SPIRE1: variants seen among roughly 807,000 people sequenced by gnomAD.
SPIRE1 encodes the protein spire type actin nucleation factor 1.
SPIRE1 carries 40 observed loss-of-function variants against 94.1 expected under a neutral mutation model. That is an observed-to-expected ratio of 0.43 (90% confidence interval 0.33 to 0.55). The LOEUF is 0.55. Ranked by LOEUF, SPIRE1 falls within the 20% of genes least tolerant of loss-of-function variation. SPIRE1 has a pLI of 0.06. For synonymous variants in SPIRE1, 376 were observed against 371.7 expected (o/e 1.01, Z -0.13); for missense variants, 838 against 975.2 (o/e 0.86, Z 1.87).
At chr18:12,658,627 C>G (rs1598597144), upstream of SPIRE1, 1 of 470,000 alleles carries the variant, frequency 2.1e-6, no homozygotes, top group South Asian at 1.6e-5. Flanking sequence ...GGAGCGGATG[C>G]CTAAGAAAAT....
chr18:12,624,164 C>T (rs967656511), intron 2 of SPIRE1, among the ~76,000 whole-genome samples: 4 of 151,886 alleles, frequency 2.6e-5, no homozygotes, highest in South Asian at 4.2e-4. Context: ...TCAGGTGATC[C>T]GCCCGCCTCG....
intron 10 of SPIRE1, 89 bp downstream of exon 10, chr18:12,479,607 GCAA>G: frequency 8.2e-7 from 1 of 1,212,156 alleles, no homozygotes; most frequent in Non-Finnish European, 1.1e-6. Context: ...AAGAGATTAA[GCAA>G]CAACTGAAGC....
At chr18:12,585,193 A>C (rs2036362874) in intron 2 of SPIRE1, among the ~76,000 whole-genome samples, 1 of 152,200 alleles carries the variant, frequency 6.6e-6, no homozygotes, top group Non-Finnish European at 1.5e-5. Context: ...TAATAATATG[A>C]ATAAGCCAAA....
Position 12,657,614 on chromosome 18 carries a change from C to G in SPIRE1, c.253G>C (p.Ala85Pro). The change falls in exon 1 of 17, where the codon GCC (alanine) becomes CCC (proline). Residue 85 changes from alanine to proline, a missense_variant. By Grantham distance (27) the Ala-to-Pro change is conservative (BLOSUM62 -1). Coordinates refer to ENST00000409402, the MANE Select transcript of SPIRE1 (RefSeq NM_001128626.2). ...TCCCTCCAGACGCGGATCTGCGCGG[C>G]CGAGCGCACACGGTGGCGGGGCTGG... Reference protein sequence around the residue: ...RRQPRHRVRSAAQIRVWRDGA... With the variant: ...RRQPRHRVRSPAQIRVWRDGA... The G allele has an allele frequency of 7.7e-7, 1 of 1,294,020 alleles. No individual in the cohort carries two copies. Among genetic ancestry groups the G allele is most frequent in the South Asian group, 2.5e-5 (1 of 39,630 alleles). The allele number at this position is 1,294,020 out of a possible 1,614,324, so 80.2% of individuals were successfully genotyped here. A position where few individuals can be genotyped will look rare whatever the true frequency, so the allele number is the denominator to read the frequency against.
chr18:12,529,317 T>C (rs2034615469), intron 4 of SPIRE1, among the ~76,000 whole-genome samples: 1 of 150,200 alleles, frequency 6.7e-6, no homozygotes, highest in Admixed American at 6.7e-5. Flanking sequence ...TGCAGTGAGC[T>C]GATATTGCGC....
intron 2 of SPIRE1, among the ~76,000 whole-genome samples, chr18:12,584,890 C>T (rs1469771347): frequency 2.6e-5 from 4 of 152,284 alleles, no homozygotes; most frequent in South Asian, 4.2e-4. Context: ...AGCGATTCTC[C>T]TGCCTCAGCC....
intron 5 of SPIRE1, among the ~76,000 whole-genome samples, chr18:12,507,236 C>T (rs888903359): frequency 6.6e-6 from 1 of 152,172 alleles, no homozygotes; most frequent in African/African-American, 2.4e-5. Flanking sequence ...GTTAGTTACA[C>T]GGTATTACTG....
chr18:12,451,020 A>AAGGAG (rs2031211963), intron 16 of SPIRE1: 6 of 555,228 alleles, frequency 1.1e-5, no homozygotes, highest in Admixed American at 5.1e-5. Flanking sequence ...GAAAAGGAAG[A>AAGGAG]AGGAGGGGAG....
At chr18:12,461,526 G>GTATAT (rs1233559373) in intron 12 of SPIRE1, among the ~76,000 whole-genome samples, 4 of 56,848 alleles carry the variant, frequency 7.0e-5, no homozygotes, top group South Asian at 9.2e-4. Flanking sequence ...ACATATGTGT[G>GTATAT]GTATGTACGT....
intron 2 of SPIRE1, among the ~76,000 whole-genome samples, chr18:12,591,718 C>T (rs1332338230): frequency 1.3e-5 from 2 of 152,094 alleles, no homozygotes; most frequent in Non-Finnish European, 2.9e-5. Context: ...TGGATCACGC[C>T]TGTAATCCCA....
intron 1 of SPIRE1, among the ~76,000 whole-genome samples, chr18:12,638,774 G>A (rs1040283311): frequency 2.0e-5 from 3 of 152,108 alleles, no homozygotes; most frequent in Non-Finnish European, 4.4e-5. Context: ...GAGTTATCAT[G>A]AGATCTGGTT....
intron 2 of SPIRE1, among the ~76,000 whole-genome samples, chr18:12,595,739 A>C (rs2036653966): frequency 6.6e-6 from 1 of 152,244 alleles, no homozygotes; most frequent in South Asian, 2.1e-4. Flanking sequence ...TGGAATAGAC[A>C]AACACATATA....
chr18:12,614,890 A>G (rs112644040), intron 2 of SPIRE1, among the ~76,000 whole-genome samples: 407 of 151,692 alleles, frequency 2.7e-3, no homozygotes, highest in African/African-American at 9.5e-3. Context: ...ATCTTCACAT[A>G]AAATCCAAAA....
intron 12 of SPIRE1, among the ~76,000 whole-genome samples, chr18:12,458,764 TAAA>T (rs2031649092): frequency 6.6e-6 from 1 of 152,144 alleles, no homozygotes; most frequent in Non-Finnish European, 1.5e-5. Flanking sequence ...TGACAGGAGT[TAAA>T]AAGCCACCGT....
rs138213253 is a variant in SPIRE1 at position 12,610,833 on chromosome 18, T to C, written c.372+24229A>G. On this transcript the variant is annotated intron_variant, in intron 2 of 16. Transcript: ENST00000409402. ...TCAATGACCCTGCTTTCCATTTCAC[T>C]GAGAAAACTGAAGTAACCAGAAGAG... 1.1e-3 allele frequency among the ~76,000 whole-genome samples: 168 copies of C among 152,236 alleles called. 1 individual carries two copies. Among genetic ancestry groups the C allele is most frequent in the East Asian group, 7.0e-3 (36 of 5,176 alleles).
intron 5 of SPIRE1, among the ~76,000 whole-genome samples, chr18:12,508,184 A>G (rs1415379528): frequency 6.6e-6 from 1 of 152,134 alleles, no homozygotes; most frequent in Non-Finnish European, 1.5e-5. Flanking sequence ...GTGACACAAT[A>G]GTTACTTAAA....
chr18:12,567,849 T>C (rs1445525394), intron 2 of SPIRE1, among the ~76,000 whole-genome samples: 2 of 152,220 alleles, frequency 1.3e-5, no homozygotes, highest in Non-Finnish European at 2.9e-5. Flanking sequence ...CTTTCCTGCT[T>C]ATACAAATCA....
intron 2 of SPIRE1, among the ~76,000 whole-genome samples, chr18:12,630,636 G>C (rs1325061759): frequency 1.3e-5 from 2 of 152,190 alleles, no homozygotes; most frequent in Admixed American, 6.5e-5. Flanking sequence ...TCCAGCCTGG[G>C]CAAGAGCAAG....
intron 4 of SPIRE1, among the ~76,000 whole-genome samples, chr18:12,524,106 C>G (rs2034436525): frequency 6.6e-6 from 1 of 152,170 alleles, no homozygotes; most frequent in Non-Finnish European, 1.5e-5. Context: ...CGCAATATCT[C>G]TGAGGTATGC....
Sources: gnomAD v4.1 joint callset for allele counts (sites outside exome capture counted in the v4.1 genomes callset) on GRCh38, gnomAD v4.1.1 for gene constraint, MANE v1.5 for transcripts, NCBI Gene and HGNC (gene_info 2026-07-23, HGNC 2026-07-21) for gene names.